KCNIP4: variants seen among roughly 807,000 people sequenced by gnomAD.
The protein encoded by KCNIP4 is Kv channel-interacting protein 4.
A neutral mutation model predicts 34.0 loss-of-function variants in KCNIP4; 12 were observed. That is an observed-to-expected ratio of 0.35 (90% CI 0.23 to 0.57). The LOEUF (loss-of-function observed/expected upper bound fraction) is 0.57. Ranked by LOEUF, KCNIP4 falls within the 20% of genes least tolerant of loss-of-function variation. The pLI is 0.83. For missense variants in KCNIP4, 238 were observed against 311.7 expected (o/e 0.76, Z 1.78); for synonymous variants, 124 against 102.2 (o/e 1.21, Z -1.29).
At chr4:21,304,796 A>G (rs1332299055) in intron 1 of KCNIP4, among the ~76,000 whole-genome samples, 1 of 152,188 alleles carries the variant, frequency 6.6e-6, no homozygotes, top group African/African-American at 2.4e-5. Flanking sequence ...GCATGGGAAT[A>G]ATAAACTAAT....
chr4:21,142,566 C>CT (rs1441289059), intron 1 of KCNIP4, among the ~76,000 whole-genome samples: 2 of 152,038 alleles, frequency 1.3e-5, no homozygotes, highest in African/African-American at 4.8e-5. Flanking sequence ...ATCAGGGTTC[C>CT]TAGGGTGCTG....
At chr4:20,875,400 C>T (rs950220798) in intron 2 of KCNIP4, among the ~76,000 whole-genome samples, 1 of 152,106 alleles carries the variant, frequency 6.6e-6, no homozygotes, top group Non-Finnish European at 1.5e-5. Flanking sequence ...TCCTGTCCAC[C>T]TTACAGAGTT....
chr4:21,623,424 A>G (rs1036396478), intron 1 of KCNIP4, among the ~76,000 whole-genome samples: 8 of 152,200 alleles, frequency 5.3e-5, no homozygotes, highest in African/African-American at 1.9e-4. Context: ...AGCTGAGCTC[A>G]ATATTTTACC....
chr4:21,485,438 A>C (rs1410324409), intron 1 of KCNIP4, among the ~76,000 whole-genome samples: 3 of 152,152 alleles, frequency 2.0e-5, no homozygotes, highest in Admixed American at 6.6e-5. Flanking sequence ...CACAGCATAC[A>C]TGTGCCCTAT....
intron 1 of KCNIP4, among the ~76,000 whole-genome samples, chr4:21,813,447 A>T (rs925905626): frequency 5.3e-5 from 8 of 152,248 alleles, no homozygotes; most frequent in Non-Finnish European, 8.8e-5. Context: ...AGATAGAATC[A>T]TCCATCTCTC....
intron 1 of KCNIP4, among the ~76,000 whole-genome samples, chr4:21,834,418 C>T (rs1394491673): frequency 6.6e-6 from 1 of 152,100 alleles, no homozygotes; most frequent in African/African-American, 2.4e-5. Context: ...TATAAGAATG[C>T]TTGTGATTTT....
chr4:21,157,343 CT>C (rs34510333), intron 1 of KCNIP4, among the ~76,000 whole-genome samples: 70,458 of 149,596 alleles, frequency 0.47, 16,582 homozygotes, highest in African/African-American at 0.54. Context: ...TCAATGTATT[CT>C]TTTTTTTTTT....
intron 3 of KCNIP4, among the ~76,000 whole-genome samples, chr4:20,793,283 T>A (rs948853091): frequency 6.6e-6 from 1 of 152,084 alleles, no homozygotes; most frequent in Non-Finnish European, 1.5e-5. Flanking sequence ...CATGAATGAA[T>A]CTCAAAGGAT....
At chr4:21,387,509 T>A (rs960971264) in intron 1 of KCNIP4, among the ~76,000 whole-genome samples, 3 of 152,196 alleles carry the variant, frequency 2.0e-5, no homozygotes, top group Admixed American at 1.3e-4. Flanking sequence ...AAATGATATG[T>A]CATCAAAATT....
chr4:21,265,099 A>AAATAATAAT (rs35177944), intron 1 of KCNIP4, among the ~76,000 whole-genome samples: 10 of 151,056 alleles, frequency 6.6e-5, no homozygotes, highest in African/African-American at 2.2e-4. Flanking sequence ...ACTCTGCCTC[A>AAATAATAAT]AATAATAATA....
chr4:21,871,625 G>T (rs1177099135), intron 1 of KCNIP4, among the ~76,000 whole-genome samples: 1 of 151,930 alleles, frequency 6.6e-6, no homozygotes, highest in Non-Finnish European at 1.5e-5. Flanking sequence ...CTCTCAAGTT[G>T]CTTTTGCCAG....
At chr4:21,642,820 C>G (rs1366166937) in intron 1 of KCNIP4, among the ~76,000 whole-genome samples, 1 of 151,966 alleles carries the variant, frequency 6.6e-6, no homozygotes, top group African/African-American at 2.4e-5. Flanking sequence ...GAGAAATTGA[C>G]CTGGTACTCT....
chr4:21,945,975 A>G (rs1053214891), intron 1 of KCNIP4, among the ~76,000 whole-genome samples: 3 of 149,224 alleles, frequency 2.0e-5, no homozygotes, highest in African/African-American at 7.4e-5. Context: ...AACAATGTCA[A>G]TTACAGTGAT....
intron 1 of KCNIP4, among the ~76,000 whole-genome samples, chr4:21,354,577 C>A (rs958707170): frequency 4.6e-5 from 7 of 152,114 alleles, no homozygotes; most frequent in Non-Finnish European, 1.0e-4. Flanking sequence ...GTAAAGAGAT[C>A]AATTCAACAA....
At chr4:21,420,996 C>G (rs1350464985) in intron 1 of KCNIP4, among the ~76,000 whole-genome samples, 1 of 152,156 alleles carries the variant, frequency 6.6e-6, no homozygotes, top group African/African-American at 2.4e-5. Context: ...ATAGACATTT[C>G]TTTAAAGAAG....
intron 1 of KCNIP4, among the ~76,000 whole-genome samples, chr4:21,865,090 T>C (rs994307322): frequency 7.9e-5 from 12 of 151,960 alleles, no homozygotes; most frequent in African/African-American, 1.9e-4. Context: ...TCTTTTTTTT[T>C]CTGCTGTTTC....
At chr4:21,718,233 T>C (rs1714534372) in intron 1 of KCNIP4, among the ~76,000 whole-genome samples, 1 of 152,196 alleles carries the variant, frequency 6.6e-6, no homozygotes, top group African/African-American at 2.4e-5. Flanking sequence ...ATCTGGTTAA[T>C]ATAGCAGTTG....
At chr4:20,737,843 AC>A (rs1308425954) in intron 5 of KCNIP4, among the ~76,000 whole-genome samples, 3 of 152,236 alleles carry the variant, frequency 2.0e-5, no homozygotes, top group Non-Finnish European at 4.4e-5. Flanking sequence ...ATCTTGCACA[AC>A]CAGCAGGCTG....
rs151082129 is a variant in KCNIP4 at position 21,741,521 on chromosome 4, A to G, written c.61+207050T>C. On this transcript the variant is annotated intron_variant, in intron 1 of 8. Coordinates refer to ENST00000382152, the MANE Select transcript of KCNIP4 (RefSeq NM_025221.6). ...TTCTAAATGAGATTTGAAAACAATG[A>G]ACTCCAGTGGAACCCAGCATCATCT... is the stretch of plus-strand genomic sequence containing the variant. 8.7e-3 allele frequency among the ~76,000 whole-genome samples: 1,330 copies of G among 152,286 alleles called. 19 individuals are homozygous for G. The highest frequency in any genetic ancestry group is 0.039 in the South Asian group (188 of 4,832).
Sources: gnomAD v4.1 joint callset for allele counts (sites outside exome capture counted in the v4.1 genomes callset) on GRCh38, gnomAD v4.1.1 for gene constraint, MANE v1.5 for transcripts, NCBI Gene and HGNC (gene_info 2026-07-23, HGNC 2026-07-21) for gene names.